Variants in GLIS1 observed in about 807,000 individuals in gnomAD.
GLIS1 encodes the protein GLIS family zinc finger 1.
GLIS1 carries 24 observed loss-of-function variants against 63.8 expected under a neutral mutation model. That is an observed-to-expected ratio of 0.38 (90% confidence interval 0.27 to 0.53). GLIS1 has a LOEUF of 0.53. Among genes scored for constraint, GLIS1 ranks in the 20% least tolerant of loss-of-function variants. The pLI is 0.85. For missense variants in GLIS1, 1,036 were observed against 1,074.1 expected (o/e 0.96, Z 0.50); for synonymous variants, 450 against 482.5 (o/e 0.93, Z 0.88).
chr1:53,617,018 G>T (rs1481794626), intron 2 of GLIS1, among the ~76,000 whole-genome samples: 4 of 151,836 alleles, frequency 2.6e-5, no homozygotes, highest in Admixed American at 6.6e-5. Flanking sequence ...CACCCCATGG[G>T]GCTTCATGCA....
chr1:53,695,103 G>A (rs1646450856), intron 2 of GLIS1, among the ~76,000 whole-genome samples: 1 of 149,072 alleles, frequency 6.7e-6, no homozygotes, highest in Middle Eastern at 3.2e-3. Flanking sequence ...CCCTGTGTGT[G>A]TAACGAAGCC....
intron 2 of GLIS1, among the ~76,000 whole-genome samples, chr1:53,691,772 A>G (rs1646408560): frequency 6.6e-6 from 1 of 152,060 alleles, no homozygotes; most frequent in Non-Finnish European, 1.5e-5. Flanking sequence ...AATGGCCTCT[A>G]TATTCCTTTC....
chr1:53,634,386 G>A (rs1057362507), intron 2 of GLIS1, among the ~76,000 whole-genome samples: 3 of 152,232 alleles, frequency 2.0e-5, no homozygotes, highest in Non-Finnish European at 1.5e-5. Context: ...GCTCGCCAAT[G>A]TTTAGAAGTC....
chr1:53,644,408 C>T (rs139696037), intron 2 of GLIS1, among the ~76,000 whole-genome samples: 136 of 152,332 alleles, frequency 8.9e-4, no homozygotes, highest in Middle Eastern at 6.8e-3. Flanking sequence ...TAAATCCTGG[C>T]TGTCATAGAT....
chr1:53,545,094 G>C (rs1216305588), intron 4 of GLIS1, among the ~76,000 whole-genome samples: 1 of 152,210 alleles, frequency 6.6e-6, no homozygotes, highest in Non-Finnish European at 1.5e-5. Context: ...GAGTCATCCA[G>C]ACCTGGATTC....
intron 2 of GLIS1, among the ~76,000 whole-genome samples, chr1:53,651,232 C>T (rs1324594805): frequency 6.6e-6 from 1 of 152,200 alleles, no homozygotes; most frequent in Non-Finnish European, 1.5e-5. Flanking sequence ...TGTTACTGGG[C>T]AGAATGTGGA....
intron 2 of GLIS1, among the ~76,000 whole-genome samples, chr1:53,707,281 T>C (rs1315065566): frequency 6.6e-6 from 1 of 152,230 alleles, no homozygotes; most frequent in African/African-American, 2.4e-5. Flanking sequence ...GGCTGTTATC[T>C]GTGACTTGTC....
At chr1:53,548,610 G>A (rs953758303) in intron 4 of GLIS1, among the ~76,000 whole-genome samples, 1 of 152,220 alleles carries the variant, frequency 6.6e-6, no homozygotes, top group African/African-American at 2.4e-5. Flanking sequence ...AGTTGCTGAG[G>A]TGCTCTGACA....
Position 53,594,093 on chromosome 1 carries a change from C to T in GLIS1, c.1320+15G>A. 1.9e-6 allele frequency: 3 copies of T among 1,589,508 alleles called. No homozygotes were observed. Among genetic ancestry groups the T allele is most frequent in the Non-Finnish European group, 2.6e-6 (3 of 1,164,868 alleles). ...GAGGGGCTGGGGTGAGGCCTGGCGG[C>T]CGGTGGGAACTCACCATGCACTTGT... On this transcript the variant is annotated intron_variant, in intron 4 of 10. Transcript: ENST00000628545.
chr1:53,700,507 A>G (rs999244669), intron 2 of GLIS1, among the ~76,000 whole-genome samples: 1 of 152,172 alleles, frequency 6.6e-6, no homozygotes, highest in Admixed American at 6.5e-5. Context: ...GCTCGTGTAA[A>G]TGCATGGCCT....
intron 2 of GLIS1, among the ~76,000 whole-genome samples, chr1:53,720,514 AAAG>A (rs1275751910): frequency 6.6e-6 from 1 of 152,176 alleles, no homozygotes; most frequent in Non-Finnish European, 1.5e-5. Flanking sequence ...GGAAGGAAAA[AAAG>A]AAGAGAAGTT....
chr1:53,704,582 G>C, intron 2 of GLIS1, among the ~76,000 whole-genome samples: 1 of 152,182 alleles, frequency 6.6e-6, no homozygotes, highest in East Asian at 1.9e-4. Flanking sequence ...GAGAAGGGGT[G>C]GGGAGGGGAG....
At chr1:53,527,044 G>A (rs1271753080) in intron 5 of GLIS1, among the ~76,000 whole-genome samples, 1 of 152,176 alleles carries the variant, frequency 6.6e-6, no homozygotes, top group African/African-American at 2.4e-5. Context: ...GCCCCGTGCT[G>A]AGCACCAGCC....
At chr1:53,647,226 T>C (rs1304778736) in intron 2 of GLIS1, among the ~76,000 whole-genome samples, 2 of 152,210 alleles carry the variant, frequency 1.3e-5, no homozygotes, top group East Asian at 1.9e-4. Context: ...ATTACCAAGC[T>C]GGTTCTAAAA....
chr1:53,682,324 G>A (rs912909848), intron 2 of GLIS1, among the ~76,000 whole-genome samples: 2 of 152,260 alleles, frequency 1.3e-5, no homozygotes, highest in East Asian at 1.9e-4. Flanking sequence ...ATGAAGGAGT[G>A]GGGGGATGAA....
At chr1:53,664,980 G>A (rs567966351) in intron 2 of GLIS1, among the ~76,000 whole-genome samples, 22 of 152,278 alleles carry the variant, frequency 1.4e-4, no homozygotes, top group Non-Finnish European at 2.4e-4. Flanking sequence ...AATGAGGCCA[G>A]AGTGAGCAAT....
intron 9 of GLIS1, 115 bp downstream of exon 9, chr1:53,509,734 C>T: frequency 1.6e-6 from 1 of 612,726 alleles, no homozygotes. Flanking sequence ...CAGTGCCCAG[C>T]CGGTCATTCT....
At chr1:53,645,853 G>A (rs1299188707) in intron 2 of GLIS1, among the ~76,000 whole-genome samples, 2 of 152,228 alleles carry the variant, frequency 1.3e-5, no homozygotes, top group Non-Finnish European at 2.9e-5. Flanking sequence ...AGGAAGTAGA[G>A]CTGGGCTTTC....
chr1:53,560,094 T>C lies in GLIS1; in HGVS notation c.1321-30142A>G, dbSNP rs1157662151. On this transcript the variant is annotated intron_variant, in intron 4 of 10. Coordinates refer to ENST00000628545, the MANE Select transcript of GLIS1 (RefSeq NM_001367484.1). The surrounding 1 kb of genome is among the most constrained non-coding windows in gnomAD (Gnocchi z 4.4). ...TCCCACAGCTGCATGCCTAGCAGGA[T>C]GAAGCACACACACAACATAAGGAAT... Among the ~76,000 whole-genome samples, 1 of 152,164 alleles carries C rather than the reference T, an allele frequency of 6.6e-6. No homozygotes were observed. Among genetic ancestry groups the C allele is most frequent in the African/African-American group, 2.4e-5 (1 of 41,438 alleles).
Sources: allele counts gnomAD v4.1 joint callset (sites outside exome capture counted in the v4.1 genomes callset), GRCh38; gene constraint gnomAD v4.1.1; non-coding constraint Gnocchi (gnomAD v3.1); transcripts MANE v1.5; gene names NCBI Gene and HGNC (gene_info 2026-07-23, HGNC 2026-07-21).